PEPD: variants seen among roughly 807,000 people sequenced by gnomAD.
PEPD encodes xaa-Pro dipeptidase.
Under a neutral mutation model 60.7 loss-of-function variants are expected in PEPD, and 53 were observed. The observed-to-expected ratio is 0.87, with a 90% CI of 0.70 to 1.10. The LOEUF is 1.10. Ranked by LOEUF, PEPD falls within the 50% of genes least tolerant of loss-of-function variation. PEPD has a pLI of 0.00. For missense variants in PEPD, 711 were observed against 711.9 expected (o/e 1.00, Z 0.01); for synonymous variants, 267 against 284.1 (o/e 0.94, Z 0.60).
At chr19:33,411,553 ACTT>A in intron 11 of PEPD, 116 bp downstream of exon 11, 1 of 711,750 alleles carries the variant, frequency 1.4e-6, no homozygotes. Flanking sequence ...AAGCCCAGGG[ACTT>A]GCTGTGGTCA....
intron 7 of PEPD, among the ~76,000 whole-genome samples, chr19:33,473,327 G>A (rs919535536): frequency 2.6e-5 from 4 of 151,910 alleles, no homozygotes; most frequent in African/African-American, 9.7e-5. Context: ...CATCATCTAC[G>A]TATCTTTTCT....
At chr19:33,402,669 G>A (rs1968526499) in intron 11 of PEPD, among the ~76,000 whole-genome samples, 1 of 152,134 alleles carries the variant, frequency 6.6e-6, no homozygotes, top group South Asian at 2.1e-4. Flanking sequence ...AGCCAGGTGG[G>A]CCCCCTCACC....
intron 12 of PEPD, among the ~76,000 whole-genome samples, chr19:33,397,177 C>T (rs575835172): frequency 6.0e-4 from 92 of 152,316 alleles, no homozygotes; most frequent in Non-Finnish European, 8.2e-4. Flanking sequence ...CCTCCTTCCT[C>T]GCCGACTGTG....
At chr19:33,506,179 TCA>T (rs530505608) in intron 3 of PEPD, among the ~76,000 whole-genome samples, 6 of 71,908 alleles carry the variant, frequency 8.3e-5, no homozygotes, top group African/African-American at 2.3e-4. Flanking sequence ...TACACAACAC[TCA>T]CACACCCACA....
At chr19:33,484,100 C>G (rs909063085) in intron 6 of PEPD, among the ~76,000 whole-genome samples, 1 of 152,122 alleles carries the variant, frequency 6.6e-6, no homozygotes, top group African/African-American at 2.4e-5. Context: ...TTTCAGGATC[C>G]TTAACTATAC....
At position 33,413,606 on chromosome 19, in the gene PEPD, G is replaced by A. The variant is rs766107449; in HGVS notation, c.709C>T (p.Arg237Cys). ...CAGATGCAGGTGTAGGAGCTGTGGC[G>A]CATGCCGCCCCGGGAGTAGCAGTAG... ...EHYCYSRGGM[R>C]HSSYTCICGS... The change falls in exon 10 of 15, where the codon CGC (arginine) becomes TGC (cysteine). Residue 237 changes from arginine (R) to cysteine (C), a missense_variant. Physicochemically the swap from Arg to Cys is radical, Grantham distance 180. Transcript: ENST00000244137. 5.7e-6 allele frequency: 9 copies of A among 1,586,702 alleles called. No homozygotes were observed. The highest frequency in any genetic ancestry group is 1.3e-5 in the African/African-American group (1 of 74,410).
intron 12 of PEPD, among the ~76,000 whole-genome samples, chr19:33,396,374 C>T (rs1305290390): frequency 2.6e-5 from 4 of 152,098 alleles, no homozygotes; most frequent in African/African-American, 9.7e-5. Context: ...GGGGCAGGTG[C>T]TGCTGGGCCC....
At chr19:33,468,267 C>T (rs750602813) in intron 7 of PEPD, among the ~76,000 whole-genome samples, 4 of 152,224 alleles carry the variant, frequency 2.6e-5, no homozygotes, top group African/African-American at 4.8e-5. Flanking sequence ...AAGGCCCACC[C>T]GTGACTCTCA....
rs1438278506 is a variant in PEPD, at chr19:33,515,159, A to G, written c.18-2383T>C. ...CTTGCCTGACACACAGCAAACGCTCAACACATATCTGCTGAATGACACACG... is the reference window on the plus strand; with the variant it reads ...CTTGCCTGACACACAGCAAACGCTCGACACATATCTGCTGAATGACACACG... On this transcript the variant is annotated intron_variant, in intron 1 of 14. Coordinates refer to ENST00000244137, the MANE Select transcript of PEPD (RefSeq NM_000285.4). Among the ~76,000 whole-genome samples, 3 of 152,150 alleles carry G rather than the reference A, an allele frequency of 2.0e-5. No homozygotes were observed. The East Asian group carries it at 5.8e-4, about 29-fold the overall frequency.
In PEPD at chr19:33,521,745, C is replaced by G. The variant is rs774320647; in HGVS notation, c.16G>C (p.Gly6Arg). ...GAGCGAGGGAGGCGCAGCACTCACC[C>G]GGTGGCCGCCGCCATGTTCGCCCGG... is the stretch of plus-strand genomic sequence containing the variant. MAAAT[G>R]PSFWLGNETL... The change falls in exon 1 of 15, where the codon GGA (glycine) becomes CGA (arginine). Residue 6 changes from glycine (G) to arginine (R), a missense_variant and splice_region_variant. Physicochemically the swap from Gly to Arg is moderately radical, Grantham distance 125 (BLOSUM62 -2). Coordinates refer to ENST00000244137, the MANE Select transcript of PEPD (RefSeq NM_000285.4). 5 of 1,554,482 alleles carry G rather than the reference C, an allele frequency of 3.2e-6. No individual in the cohort carries two copies. Among genetic ancestry groups the G allele is most frequent in the South Asian group, 1.2e-5 (1 of 86,376 alleles).
intron 5 of PEPD, 48 bp downstream of exon 5, chr19:33,493,242 C>T: frequency 7.1e-7 from 1 of 1,414,020 alleles, no homozygotes. Context: ...CCATAAAAAC[C>T]CTCCCCAGAG....
intron 9 of PEPD, among the ~76,000 whole-genome samples, chr19:33,460,228 A>C (rs1416256049): frequency 1.3e-5 from 2 of 152,240 alleles, no homozygotes; most frequent in East Asian, 3.9e-4. Context: ...ACATTTCCCG[A>C]CACCTACAGT....
chr19:33,412,352 TA>T (rs1568458128), intron 10 of PEPD, among the ~76,000 whole-genome samples: 1 of 151,982 alleles, frequency 6.6e-6, no homozygotes, highest in East Asian at 1.9e-4. Context: ...GTCTTTAAAT[TA>T]AAAAAAGAGC....
chr19:33,398,218 C>T lies in PEPD; in HGVS notation c.967+3503G>A, dbSNP rs936740455. On this transcript the variant is annotated intron_variant, in intron 12 of 14. Coordinates refer to ENST00000244137, the MANE Select transcript of PEPD (RefSeq NM_000285.4). ...CTGCTGACCAAGCTGAGCTCCTCAG[C>T]CTGATGCTTGGGTGTACAGGGTTGC... Among the ~76,000 whole-genome samples, 8 of 152,256 alleles carry T rather than the reference C, an allele frequency of 5.3e-5. No individual in the cohort carries two copies. In the East Asian group the frequency reaches 1.5e-3, roughly 29 times the overall value.
intron 3 of PEPD, among the ~76,000 whole-genome samples, chr19:33,505,700 C>T (rs1375329950): frequency 3.3e-5 from 5 of 151,202 alleles, no homozygotes; most frequent in Admixed American, 3.3e-4. Flanking sequence ...CCCTACACAA[C>T]ACACACACCT....
chr19:33,428,591 C>T (rs769637960), intron 9 of PEPD, among the ~76,000 whole-genome samples: 1 of 152,242 alleles, frequency 6.6e-6, no homozygotes, highest in East Asian at 1.9e-4. Flanking sequence ...GCCAGGCTGA[C>T]GCCCCTCTCC....
Position 33,386,966 on chromosome 19 carries a change from CT to C in PEPD, c.*377del. 3.7e-6 allele frequency: 1 copy of C among 270,068 alleles called. No homozygotes were observed. Among genetic ancestry groups the C allele is most frequent in the South Asian group, 4.4e-5 (1 of 22,508 alleles). The allele number at this position is 270,068 out of a possible 1,614,324, so 16.7% of individuals were successfully genotyped here. On this transcript the variant is annotated 3_prime_UTR_variant, in exon 15 of 15. Coordinates refer to ENST00000244137, the MANE Select transcript of PEPD (RefSeq NM_000285.4). ...CGCACAAAGGACCATTTTAGGAAAC[CT>C]TTTATTGCAAATGCCATTCTGCATA...
At chr19:33,456,989 C>A (rs1431822241) in intron 9 of PEPD, among the ~76,000 whole-genome samples, 1 of 151,286 alleles carries the variant, frequency 6.6e-6, no homozygotes, top group Admixed American at 6.6e-5. Context: ...CAGCCCTGGT[C>A]AGAGACACAC....
chr19:33,401,895 G>A (rs1968504857), intron 11 of PEPD, 26 bp from the exon 12 acceptor site: 1 of 1,611,162 alleles, frequency 6.2e-7, no homozygotes, highest in Non-Finnish European at 8.5e-7. Context: ...GGCAGGGCAA[G>A]TGGGTACTGG....
Sources: gnomAD v4.1 joint callset for allele counts (sites outside exome capture counted in the v4.1 genomes callset) on GRCh38, gnomAD v4.1.1 for gene constraint, MANE v1.5 for transcripts, NCBI Gene and HGNC (gene_info 2026-07-23, HGNC 2026-07-21) for gene names.